Variants in EYA4 observed in about 807,000 individuals in gnomAD.
EYA4 encodes the protein protein phosphatase EYA4.
Under a neutral mutation model 87.9 loss-of-function variants are expected in EYA4, and 31 were observed. The observed-to-expected ratio is 0.35, with a 90% CI of 0.27 to 0.48. The LOEUF is 0.48. EYA4 is among the 20% of genes least tolerant of loss of function. The pLI, the probability that EYA4 is intolerant of heterozygous loss-of-function variation, is 0.99. For synonymous variants in EYA4, 263 were observed against 270.6 expected, an observed-to-expected ratio of 0.97 and a Z score of 0.28; for missense variants, 678 against 761.4, an observed-to-expected ratio of 0.89 and a Z score of 1.29.
At chr6:133,305,810 T>C (rs1475402133) in intron 2 of EYA4, among the ~76,000 whole-genome samples, 1 of 152,170 alleles carries the variant, frequency 6.6e-6, no homozygotes, top group African/African-American at 2.4e-5. Context: ...GGAAACCAGG[T>C]CTGTCTTTTT....
intron 2 of EYA4, among the ~76,000 whole-genome samples, chr6:133,287,466 A>G (rs1260575507): frequency 6.6e-6 from 1 of 152,160 alleles, no homozygotes; most frequent in Non-Finnish European, 1.5e-5. Context: ...TGGCTAGGTT[A>G]GAATTACTGA....
Position 133,413,832 on chromosome 6 carries a change from A to G in EYA4, c.83+31391A>G, listed in dbSNP as rs147459398. 1.8e-3 allele frequency among the ~76,000 whole-genome samples: 276 copies of G among 152,304 alleles called. 1 individual carries two copies. The highest frequency in any genetic ancestry group is 6.1e-3 in the African/African-American group (254 of 41,566). ...TGTGCACCTTAAACTCAACATGTCCAGAATTGAACTCACATGCATCTGCAA... is the reference window on the plus strand; with the variant it reads ...TGTGCACCTTAAACTCAACATGTCCGGAATTGAACTCACATGCATCTGCAA... On this transcript the variant is annotated intron_variant, in intron 3 of 19. Transcript: ENST00000355286.
At chr6:133,468,202 C>T (rs994330527) in intron 10 of EYA4, among the ~76,000 whole-genome samples, 8 of 152,070 alleles carry the variant, frequency 5.3e-5, no homozygotes, top group East Asian at 1.9e-4. Context: ...TGTGTAAGAA[C>T]GGATTTTGTG....
rs191777430 is a variant in EYA4 at position 133,423,796 on chromosome 6, A to G, written c.84-22834A>G. On this transcript the variant is annotated intron_variant, in intron 3 of 19. Coordinates refer to ENST00000355286, the MANE Select transcript of EYA4 (RefSeq NM_004100.5). Reference sequence around the variant, plus strand: ...GTTTGCTCCTGCCCCTTAATAATTTATTCCTCTCTACTTATTGTTACGGGA... The same window carrying G: ...GTTTGCTCCTGCCCCTTAATAATTTGTTCCTCTCTACTTATTGTTACGGGA... 2.0e-5 allele frequency among the ~76,000 whole-genome samples: 3 copies of G among 152,278 alleles called. No homozygotes were observed. The East Asian group carries it at 5.8e-4, about 29-fold the overall frequency.
intron 2 of EYA4, among the ~76,000 whole-genome samples, chr6:133,279,107 A>C (rs1469920576): frequency 6.6e-6 from 1 of 152,138 alleles, no homozygotes; most frequent in Non-Finnish European, 1.5e-5. Flanking sequence ...TCTCATCCAA[A>C]ACATTCATAT....
intron 3 of EYA4, among the ~76,000 whole-genome samples, chr6:133,411,864 G>A (rs1468651009): frequency 6.6e-6 from 1 of 152,066 alleles, no homozygotes; most frequent in African/African-American, 2.4e-5. Flanking sequence ...GCAATTTCAG[G>A]TCAAAGGTCA....
chr6:133,265,378 T>C (rs1018167386), intron 1 of EYA4, among the ~76,000 whole-genome samples: 1 of 152,070 alleles, frequency 6.6e-6, no homozygotes, highest in African/African-American at 2.4e-5. Flanking sequence ...AGTCTTGAGA[T>C]AGAGCGGGAA....
intron 17 of EYA4, among the ~76,000 whole-genome samples, chr6:133,521,994 T>G (rs1342218782): frequency 8.0e-6 from 1 of 124,616 alleles, no homozygotes; most frequent in Admixed American, 7.8e-5. Context: ...AGGGATAGCA[T>G]TGGGAGATAT....
intron 14 of EYA4, among the ~76,000 whole-genome samples, chr6:133,507,877 G>C (rs535951418): frequency 6.6e-6 from 1 of 152,164 alleles, no homozygotes. Context: ...ATAATCCTTT[G>C]GGTATATACC....
chr6:133,261,264 A>T (rs928345553), intron 1 of EYA4, among the ~76,000 whole-genome samples: 1 of 152,184 alleles, frequency 6.6e-6, no homozygotes, highest in African/African-American at 2.4e-5. Flanking sequence ...ATGATATCAC[A>T]TGTGCCATTC....
chr6:133,424,438 C>T (rs999252048), intron 3 of EYA4, among the ~76,000 whole-genome samples: 1 of 152,150 alleles, frequency 6.6e-6, no homozygotes, highest in African/African-American at 2.4e-5. Flanking sequence ...GCCCTGGTCT[C>T]GGCCCCAACC....
rs372215969 is a variant in EYA4, at chr6:133,263,581, A to C, written c.-65-11135A>C. 4.6e-5 allele frequency among the ~76,000 whole-genome samples: 7 copies of C among 152,342 alleles called. No individual in the cohort carries two copies. The East Asian group carries it at 7.7e-4, about 17-fold the overall frequency. On this transcript the variant is annotated intron_variant, in intron 1 of 19. Transcript: ENST00000355286. ...CATTAGATCCAAGTAATTTCGTGCA[A>C]CTGGAGAAGACTTGCAGACCCTACC...
intron 1 of EYA4, among the ~76,000 whole-genome samples, chr6:133,266,076 GT>G (rs1776198779): frequency 1.3e-5 from 2 of 152,190 alleles, no homozygotes; most frequent in South Asian, 4.1e-4. Context: ...AGTAAATTGT[GT>G]TCCGTAAAAG....
At chr6:133,291,079 G>A (rs1218484496) in intron 2 of EYA4, among the ~76,000 whole-genome samples, 1 of 152,108 alleles carries the variant, frequency 6.6e-6, no homozygotes, top group Non-Finnish European at 1.5e-5. Context: ...TGCTCAATCA[G>A]CATTAACAGA....
At chr6:133,512,531 A>G (rs1312309125) in intron 14 of EYA4, among the ~76,000 whole-genome samples, 190 bp from the exon 15 acceptor site, 1 of 152,084 alleles carries the variant, frequency 6.6e-6, no homozygotes, top group African/African-American at 2.4e-5. Context: ...ACTCTTCTGG[A>G]TTTAAATTTT....
At chr6:133,483,588 G>A (rs890050182) in intron 13 of EYA4, among the ~76,000 whole-genome samples, 4 of 151,648 alleles carry the variant, frequency 2.6e-5, no homozygotes, top group Non-Finnish European at 1.5e-5. Flanking sequence ...AACAGCAACC[G>A]AGGTAACACC....
intron 1 of EYA4, among the ~76,000 whole-genome samples, chr6:133,270,239 C>G (rs1562228600): frequency 1.3e-5 from 2 of 152,182 alleles, no homozygotes; most frequent in South Asian, 4.1e-4. Flanking sequence ...AACTTGAACC[C>G]ATATACATCT....
chr6:133,364,154 T>TA (rs1784681779), intron 2 of EYA4, among the ~76,000 whole-genome samples: 2 of 152,226 alleles, frequency 1.3e-5, no homozygotes, highest in South Asian at 4.1e-4. Flanking sequence ...ATACTCCCCT[T>TA]AATGAATCTT....
chr6:133,240,654 A>G (rs991153263), upstream of EYA4: 1 of 152,348 alleles, frequency 6.6e-6, no homozygotes, highest in Non-Finnish European at 1.5e-5. Context: ...ACCCAGCAGC[A>G]CTGGAAGGGG....
Sources: gnomAD v4.1 joint callset for allele counts (sites outside exome capture counted in the v4.1 genomes callset) on GRCh38, gnomAD v4.1.1 for gene constraint, MANE v1.5 for transcripts, NCBI Gene and HGNC (gene_info 2026-07-23, HGNC 2026-07-21) for gene names.